INPP4B: variants seen among roughly 807,000 people sequenced by gnomAD.
The protein encoded by INPP4B is inositol polyphosphate 4-phosphatase type II.
Under a neutral mutation model 122.5 loss-of-function variants are expected in INPP4B, and 55 were observed. That is an observed-to-expected ratio of 0.45 (90% confidence interval 0.36 to 0.56). The LOEUF (loss-of-function observed/expected upper bound fraction) is 0.56. Among genes scored for constraint, INPP4B ranks in the 20% least tolerant of loss-of-function variants. The pLI is 0.00. For synonymous variants in INPP4B, 403 were observed against 388.7 expected (o/e 1.04, Z -0.43); for missense variants, 1,000 against 1,097.7 (o/e 0.91, Z 1.26).
rs5862564 is a variant in INPP4B, at chr4:142,033,668, A to ATTTTTT, written c.2643-4760_2643-4755dup. ...ATCTCCTAAGTAAGTTCTCCATTTC[A>ATTTTTT]TTTTTTTTTTTTTTTTTTGAGACAG... On this transcript the variant is annotated intron_variant, in intron 25 of 25. Transcript: ENST00000262992. Among the ~76,000 whole-genome samples, 59 of 129,470 alleles carry ATTTTTT rather than the reference A, an allele frequency of 4.6e-4. 2 individuals are homozygous for ATTTTTT. The highest frequency in any genetic ancestry group is 1.6e-3 in the African/African-American group (55 of 33,474). The allele number at this position is 129,470 out of a possible 152,430, so 84.9% of individuals were successfully genotyped here.
chr4:142,499,466 A>G (rs971555194), intron 2 of INPP4B, among the ~76,000 whole-genome samples: 3 of 152,200 alleles, frequency 2.0e-5, no homozygotes, highest in Admixed American at 1.3e-4. Context: ...TTGTGTTTGT[A>G]TATATAAACT....
At chr4:142,413,659 C>A (rs1805077401) in intron 5 of INPP4B, among the ~76,000 whole-genome samples, 1 of 152,160 alleles carries the variant, frequency 6.6e-6, no homozygotes, top group South Asian at 2.1e-4. Context: ...TGTGTTAGCT[C>A]ACATCTAGAA....
rs547731453 is a variant in INPP4B, at chr4:142,741,892, A to G, written c.-253-15991T>C. Among the ~76,000 whole-genome samples the G allele has an allele frequency of 1.1e-3, 164 of 151,986 alleles. 1 individual carries two copies. Among genetic ancestry groups the G allele is most frequent in the Non-Finnish European group, 1.9e-3 (128 of 67,894 alleles). The stretch of plus-strand genomic sequence containing the variant: ...AATAGGGCAAAAAGTTTAAGGAGGC[A>G]TTTACTCTTAAATTTTGTCATCTAG... On this transcript the variant is annotated intron_variant, in intron 1 of 25. Transcript: ENST00000262992.
chr4:142,590,829 T>C (rs1020319543), intron 2 of INPP4B, among the ~76,000 whole-genome samples: 7 of 132,466 alleles, frequency 5.3e-5, no homozygotes, highest in Non-Finnish European at 1.1e-4. Flanking sequence ...GACACCTCAA[T>C]AGCAGCAAAG....
intron 18 of INPP4B, among the ~76,000 whole-genome samples, chr4:142,126,025 T>C (rs1416267331): frequency 6.6e-6 from 1 of 152,182 alleles, no homozygotes; most frequent in Non-Finnish European, 1.5e-5. Context: ...GCTATTTGTA[T>C]GTCTAGATTT....
intron 2 of INPP4B, among the ~76,000 whole-genome samples, chr4:142,675,670 C>G (rs1301233740): frequency 9.9e-5 from 15 of 152,154 alleles, no homozygotes; most frequent in Admixed American, 9.8e-4. Context: ...AGCTTCATCC[C>G]TGGGACGCAA....
intron 15 of INPP4B, among the ~76,000 whole-genome samples, chr4:142,188,514 A>ATATATATATATAT (rs1319182103): frequency 5.2e-5 from 6 of 116,274 alleles, no homozygotes; most frequent in Non-Finnish European, 7.0e-5. Flanking sequence ...AAAAAAAGAA[A>ATATATATATATAT]AAAAATATAT....
In INPP4B at chr4:142,821,426, G is replaced by T. The variant is rs370436885; in HGVS notation, c.-254+24783C>A. ...TTTTGGAGGACAAAGTTCTTTCTTT[G>T]TTGCTTAGAATAATCCAAAATGTTA... is the stretch of plus-strand genomic sequence containing the variant. On this transcript the variant is annotated intron_variant, in intron 1 of 25. Transcript: ENST00000262992. Among the ~76,000 whole-genome samples the T allele has an allele frequency of 1.4e-4, 22 of 151,990 alleles. No individual in the cohort carries two copies. The East Asian group carries it at 3.3e-3, about 23-fold the overall frequency.
At chr4:142,346,757 G>A (rs1184902526) in intron 7 of INPP4B, among the ~76,000 whole-genome samples, 1 of 152,010 alleles carries the variant, frequency 6.6e-6, no homozygotes, top group African/African-American at 2.4e-5. Flanking sequence ...TAACTGAAAT[G>A]TTTGGTATAA....
At chr4:142,604,889 A>T (rs1339962192) in intron 2 of INPP4B, among the ~76,000 whole-genome samples, 1 of 152,142 alleles carries the variant, frequency 6.6e-6, no homozygotes, top group East Asian at 1.9e-4. Context: ...ATATAGAACC[A>T]AAATAGAGCC....
chr4:142,103,353 C>G (rs756563628), intron 23 of INPP4B, among the ~76,000 whole-genome samples: 3 of 151,974 alleles, frequency 2.0e-5, no homozygotes, highest in Non-Finnish European at 4.4e-5. Flanking sequence ...ACATAGAAAA[C>G]TATTCAAATA....
chr4:142,046,733 A>G (rs1043684239), intron 25 of INPP4B, among the ~76,000 whole-genome samples: 1 of 152,088 alleles, frequency 6.6e-6, no homozygotes, highest in African/African-American at 2.4e-5. Context: ...AACTTTAGGA[A>G]ACTACTCTTT....
At chr4:142,576,757 A>T (rs1297828499) in intron 2 of INPP4B, among the ~76,000 whole-genome samples, 1 of 152,058 alleles carries the variant, frequency 6.6e-6, no homozygotes, top group African/African-American at 2.4e-5. Context: ...ACAAATATCA[A>T]ATCCAAATCT....
chr4:142,652,399 G>C (rs1753165578), intron 2 of INPP4B, among the ~76,000 whole-genome samples: 1 of 152,120 alleles, frequency 6.6e-6, no homozygotes, highest in Non-Finnish European at 1.5e-5. Context: ...AGAAATTTGG[G>C]TATTAAATTA....
intron 1 of INPP4B, among the ~76,000 whole-genome samples, chr4:142,739,430 G>T (rs1400912422): frequency 1.3e-5 from 2 of 152,026 alleles, no homozygotes; most frequent in South Asian, 2.1e-4. Context: ...TATAGAATGG[G>T]CATTAGATGG....
intron 12 of INPP4B, 53 bp from the exon 13 acceptor site, chr4:142,209,079 C>T (rs1005701833): frequency 1.5e-4 from 207 of 1,356,892 alleles, no homozygotes; most frequent in Middle Eastern, 6.5e-4. Flanking sequence ...AATCCATAAA[C>T]GCATAACCCT....
At chr4:142,584,397 C>T (rs1023923918) in intron 2 of INPP4B, among the ~76,000 whole-genome samples, 5 of 152,218 alleles carry the variant, frequency 3.3e-5, no homozygotes, top group Non-Finnish European at 4.4e-5. Context: ...TTCTGTTTTA[C>T]GATTCCATCC....
intron 11 of INPP4B, among the ~76,000 whole-genome samples, chr4:142,256,839 T>A (rs1736428394): frequency 6.6e-6 from 1 of 152,126 alleles, no homozygotes; most frequent in Non-Finnish European, 1.5e-5. Flanking sequence ...GAGGGAATCC[T>A]CCCTAACTCA....
chr4:142,373,690 A>G (rs1295394038), intron 7 of INPP4B, among the ~76,000 whole-genome samples: 1 of 152,022 alleles, frequency 6.6e-6, no homozygotes, highest in Non-Finnish European at 1.5e-5. Context: ...GAGCAGTGTT[A>G]CTAAGAGTTT....
Sources: gnomAD v4.1 joint callset for allele counts (sites outside exome capture counted in the v4.1 genomes callset) on GRCh38, gnomAD v4.1.1 for gene constraint, MANE v1.5 for transcripts, NCBI Gene and HGNC (gene_info 2026-07-23, HGNC 2026-07-21) for gene names.